The following TUBGCP2 variants were observed in gnomAD, a reference collection of about 807,000 sequenced individuals.
TUBGCP2 encodes tubulin gamma complex component 2.
A neutral mutation model predicts 92.2 loss-of-function variants in TUBGCP2; 55 were observed. The observed-to-expected ratio is 0.60, with a 90% confidence interval of 0.48 to 0.75. The LOEUF (loss-of-function observed/expected upper bound fraction) is 0.75. Among genes scored for constraint, TUBGCP2 ranks in the 30% least tolerant of loss-of-function variants. TUBGCP2 has a pLI of 0.00. For missense variants in TUBGCP2, 1,093 were observed against 1,188.9 expected (o/e 0.92, Z 1.19); for synonymous variants, 533 against 505.2 (o/e 1.06, Z -0.74).
At chr10:133,310,422 C>T (rs1450628666), upstream of TUBGCP2, 2 of 1,147,222 alleles carry the variant, frequency 1.7e-6, no homozygotes, top group Non-Finnish European at 2.4e-6. Flanking sequence ...CTGCAGGTAC[C>T]TGAAGCCCTG....
At position 133,285,933 on chromosome 10, in the gene TUBGCP2, G is replaced by A. The variant is rs1223065649; in HGVS notation, c.1723-305C>T. Reference sequence around the variant, plus strand: ...CGGTGAAAGAAACGTGATTCCTTAGGACGAAAACCTTTGTACCATGATAAG... The same window carrying A: ...CGGTGAAAGAAACGTGATTCCTTAGAACGAAAACCTTTGTACCATGATAAG... On this transcript the variant is annotated intron_variant, in intron 11 of 17. Transcript: ENST00000252936. The surrounding 1 kb of genome is among the most constrained non-coding windows in gnomAD (Gnocchi z 6.8). Among the ~76,000 whole-genome samples, 3 of 152,108 alleles carry A rather than the reference G, an allele frequency of 2.0e-5. No individual in the cohort carries two copies. The highest frequency in any genetic ancestry group is 4.4e-5 in the Non-Finnish European group (3 of 68,038).
At position 133,279,874 on chromosome 10, in the gene TUBGCP2, C is replaced by T. The variant is rs140903054; in HGVS notation, c.2601G>A (p.Glu867=). The T allele has an allele frequency of 2.3e-5, 37 of 1,609,206 alleles. No homozygotes were observed. In the African/African-American group the frequency reaches 3.3e-4, roughly 15 times the overall value. ...TCTCTGCAGACAGGCGCTCCAGGCG[C>T]TCCGTGTAGAAACCATTGAAGTCAA... ...SRLDFNGFYT[E]RLERLSAERS... is the part of the protein sequence containing the mutation. Residue 867 remains glutamate, a synonymous_variant, in exon 18 of 18, where the codon GAG becomes GAA. Coordinates refer to ENST00000252936, the MANE Select transcript of TUBGCP2 (RefSeq NM_006659.4).
chr10:133,301,199 G>A (rs1280694994), intron 2 of TUBGCP2, among the ~76,000 whole-genome samples: 1 of 152,110 alleles, frequency 6.6e-6, no homozygotes, highest in Non-Finnish European at 1.5e-5. Flanking sequence ...CGTGATCTAG[G>A]CTCACCGCAA....
At chr10:133,297,266 G>A in intron 5 of TUBGCP2, 1 of 329,030 alleles carries the variant, frequency 3.0e-6, no homozygotes, top group South Asian at 2.3e-5. Flanking sequence ...GCCAGGCGTG[G>A]TGGCGCCTGC....
intron 8 of TUBGCP2, 186 bp from the exon 9 acceptor site, chr10:133,290,155 C>T: frequency 3.7e-6 from 3 of 803,116 alleles, no homozygotes; most frequent in East Asian, 2.8e-5. Flanking sequence ...AACCTAGGGG[C>T]CGGGCACGGT....
Position 133,285,586 on chromosome 10 carries a change from C to T in TUBGCP2, c.1765G>A (p.Val589Ile), listed in dbSNP as rs1259725527. Residue 589 changes from valine (V) to isoleucine (I), a missense_variant, in exon 12 of 18, where the codon GTC becomes ATC. Physicochemically the swap from Val to Ile is conservative, Grantham distance 29 (BLOSUM62 3). Around this residue, in one of 3 missense-constraint regions of TUBGCP2, gnomAD observed 598 missense variants for 675.5 expected, o/e 0.89. Coordinates refer to ENST00000252936, the MANE Select transcript of TUBGCP2 (RefSeq NM_006659.4). This position sits in a 1 kb window ranked among gnomAD's most constrained non-coding sequence, Gnocchi z 6.8. ...TCCTGCTTGGTCTCGATGGCCAGGA[C>T]GCGCAAGAGCTGAGTGATGAGGTCA... ...PHDLITQLLR[V>I]LAIETKQEKA... The T allele has an allele frequency of 7.1e-6, 11 of 1,545,032 alleles. No individual in the cohort carries two copies. The highest frequency in any genetic ancestry group is 2.3e-5 in the East Asian group (1 of 44,142).
intron 10 of TUBGCP2, 100 bp downstream of exon 10, chr10:133,288,740 G>A (rs1053681515): frequency 5.7e-5 from 76 of 1,331,778 alleles, no homozygotes; most frequent in Middle Eastern, 2.4e-4. Flanking sequence ...AAGACAAGGC[G>A]GAGCTGCCAG....
chr10:133,305,987 A>G (rs953560721), intron 1 of TUBGCP2, among the ~76,000 whole-genome samples: 1 of 152,264 alleles, frequency 6.6e-6, no homozygotes, highest in African/African-American at 2.4e-5. Flanking sequence ...GGTCCTGCGT[A>G]GAGCTGTGGT....
chr10:133,306,675 A>G (rs1168792681), intron 1 of TUBGCP2, among the ~76,000 whole-genome samples: 1 of 152,088 alleles, frequency 6.6e-6, no homozygotes, highest in Non-Finnish European at 1.5e-5. Flanking sequence ...GTAGTCGCAG[A>G]TACTCCAGAG....
upstream of TUBGCP2, chr10:133,310,560 G>A (rs1270151092): frequency 1.5e-5 from 7 of 477,244 alleles, no homozygotes; most frequent in Middle Eastern, 5.8e-4. Context: ...CGGGCGCAGC[G>A]CCTCCGCACT....
chr10:133,282,987 A>G, intron 15 of TUBGCP2, 91 bp downstream of exon 15: 1 of 1,534,558 alleles, frequency 6.5e-7, no homozygotes, highest in South Asian at 1.2e-5. Context: ...CAAGGGCAGG[A>G]AAACGTGAGC....
At chr10:133,284,051 C>A (rs763072791) in intron 13 of TUBGCP2, 49 bp from the exon 14 acceptor site, 1 of 1,596,634 alleles carries the variant, frequency 6.3e-7, no homozygotes, top group South Asian at 1.1e-5. Context: ...GCGGCCCCGA[C>A]AGCGCCCACC....
chr10:133,285,144 G>T lies in TUBGCP2; in HGVS notation c.1965C>A (p.Leu655=). The T allele has an allele frequency of 6.2e-7, 1 of 1,613,384 alleles. No individual in the cohort carries two copies. ...TTTTGTTGCTGATCCAGACGCTGCA[G>T]AGCTGCCGCTCCACGTGCTTGCAGT... ...MFYCKHVERQ[L]CSVWISNKTA... Residue 655 remains leucine (L), a synonymous_variant, in exon 13 of 18, where the codon CTC becomes CTA. Coordinates refer to ENST00000252936, the MANE Select transcript of TUBGCP2 (RefSeq NM_006659.4). This position sits in a 1 kb window ranked among gnomAD's most constrained non-coding sequence, Gnocchi z 6.8.
chr10:133,306,101 G>A (rs1328541137), intron 1 of TUBGCP2, among the ~76,000 whole-genome samples: 4 of 152,356 alleles, frequency 2.6e-5, no homozygotes, highest in African/African-American at 9.6e-5. Context: ...CGGCACCATT[G>A]CTCCCTGGAG....
chr10:133,301,097 C>G (rs1477360334), intron 2 of TUBGCP2, among the ~76,000 whole-genome samples: 1 of 152,148 alleles, frequency 6.6e-6, no homozygotes, highest in Non-Finnish European at 1.5e-5. Flanking sequence ...ACTATGTTCC[C>G]TCTGGAATTT....
chr10:133,290,385 T>A (rs1213811288), intron 8 of TUBGCP2: 1 of 160,660 alleles, frequency 6.2e-6, no homozygotes, highest in Non-Finnish European at 1.4e-5. Context: ...CCCAGCTACT[T>A]GGGAGGTTAA....
At chr10:133,289,688 C>G in intron 9 of TUBGCP2, 136 bp downstream of exon 9, 2 of 1,131,856 alleles carry the variant, frequency 1.8e-6, no homozygotes, top group Non-Finnish European at 2.5e-6. Flanking sequence ...TGACCTCAGC[C>G]CCGCATTCAC....
upstream of TUBGCP2, chr10:133,311,886 C>T (rs372214700): frequency 8.7e-6 from 14 of 1,613,100 alleles, no homozygotes; most frequent in African/African-American, 2.7e-5. Context: ...AACATGTGTT[C>T]GGTGCTGAGG....
chr10:133,290,125 C>T (rs1847245842), intron 8 of TUBGCP2, 156 bp from the exon 9 acceptor site: 6 of 1,103,596 alleles, frequency 5.4e-6, no homozygotes, highest in Non-Finnish European at 7.7e-6. Flanking sequence ...CCAGTTACTT[C>T]TCAACTGTGG....
Sources: allele counts gnomAD v4.1 joint callset (sites outside exome capture counted in the v4.1 genomes callset), GRCh38; gene constraint gnomAD v4.1.1; regional missense constraint gnomAD v4.1.1; non-coding constraint Gnocchi (gnomAD v3.1); transcripts MANE v1.5; gene names NCBI Gene and HGNC (gene_info 2026-07-23, HGNC 2026-07-21).